Variants in BRAP observed in about 807,000 individuals in gnomAD.
BRAP encodes the protein BRCA1-associated protein.
In BRAP, 42 loss-of-function variants were observed where a neutral mutation model predicts 73.4. That is an observed-to-expected ratio of 0.57 (90% CI 0.45 to 0.74). The LOEUF is 0.74. BRAP is among the 30% of genes least tolerant of loss of function. The pLI, the probability that BRAP is intolerant of heterozygous loss-of-function variation, is 0.00. For synonymous variants in BRAP, 255 were observed against 267.4 expected (o/e 0.95, Z 0.45); for missense variants, 593 against 751.4 (o/e 0.79, Z 2.46).
chr12:111,659,402 C>T (rs780134118), intron 7 of BRAP, 57 bp from the exon 8 acceptor site: 39 of 1,533,514 alleles, frequency 2.5e-5, no homozygotes, highest in Admixed American at 1.4e-4. Flanking sequence ...TCTGGCTGGG[C>T]GCGATGGCTC....
chr12:111,670,566 T>TCC (rs1443827011), intron 5 of BRAP, among the ~76,000 whole-genome samples: 3 of 152,192 alleles, frequency 2.0e-5, no homozygotes, highest in Admixed American at 2.0e-4. Flanking sequence ...CAATCTCAGC[T>TCC]CACTGCAACC....
chr12:111,653,429 A>G (rs879540865), intron 10 of BRAP, among the ~76,000 whole-genome samples: 1 of 152,196 alleles, frequency 6.6e-6, no homozygotes, highest in Non-Finnish European at 1.5e-5. Context: ...AAGAAAAGAT[A>G]TACTTTTAGA....
chr12:111,652,614 G>A (rs941263918), intron 10 of BRAP, among the ~76,000 whole-genome samples: 12 of 152,302 alleles, frequency 7.9e-5, no homozygotes, highest in African/African-American at 2.6e-4. Context: ...CATGGCTCAC[G>A]CCTGTAATCC....
chr12:111,678,396 C>T (rs367586910), intron 4 of BRAP, among the ~76,000 whole-genome samples: 2 of 151,954 alleles, frequency 1.3e-5, no homozygotes, highest in Non-Finnish European at 2.9e-5. Context: ...TGATGGCTCA[C>T]GCCTGTAATC....
intron 11 of BRAP, among the ~76,000 whole-genome samples, chr12:111,647,698 C>A (rs1886159066): frequency 6.6e-6 from 1 of 151,912 alleles, no homozygotes; most frequent in Non-Finnish European, 1.5e-5. Flanking sequence ...GAGTTTGAGA[C>A]CAGACTGACC....
chr12:111,681,736 G>C lies in BRAP; in HGVS notation c.344C>G (p.Pro115Arg). ...TGGAAGCTGTTTGGACGGAGAATCTGGGGCAGCGTTTATGCATTCCTTACT... is the reference window on the plus strand; with the variant it reads ...TGGAAGCTGTTTGGACGGAGAATCTCGGGCAGCGTTTATGCATTCCTTACT... The part of the protein sequence containing the change: ...DHSKECINAA[P>R]DSPSKQLPDQ... The change falls in exon 3 of 12, where the codon CCA (proline) becomes CGA (arginine). Residue 115 changes from proline to arginine, a missense_variant. By Grantham distance (103) the Pro-to-Arg change is moderately radical (BLOSUM62 -2). This residue lies in a region of BRAP where 304 missense variants were observed against 337.7 expected (regional missense o/e 0.90). Coordinates refer to ENST00000419234, the MANE Select transcript of BRAP (RefSeq NM_006768.5). 4.3e-6 allele frequency: 7 copies of C among 1,614,090 alleles called. No homozygotes were observed. Among genetic ancestry groups the C allele is most frequent in the Non-Finnish European group, 5.9e-6 (7 of 1,179,986 alleles).
intron 10 of BRAP, among the ~76,000 whole-genome samples, chr12:111,650,610 G>A (rs1012230094): frequency 1.3e-5 from 2 of 152,042 alleles, no homozygotes; most frequent in Non-Finnish European, 2.9e-5. Flanking sequence ...GGCCAGGCTG[G>A]TCTCAAACTC....
intron 9 of BRAP, among the ~76,000 whole-genome samples, chr12:111,658,034 G>C (rs553422741): frequency 6.6e-6 from 1 of 151,826 alleles, no homozygotes; most frequent in Admixed American, 6.6e-5. Flanking sequence ...TGCCTCCCAG[G>C]TTCAAGAAAT....
intron 6 of BRAP, among the ~76,000 whole-genome samples, chr12:111,662,938 G>A (rs1236944969): frequency 4.2e-5 from 6 of 141,788 alleles, no homozygotes; most frequent in Non-Finnish European, 6.1e-5. Flanking sequence ...TGTGGCAAAA[G>A]CCCTTCTAAA....
chr12:111,664,215 C>T (rs1886851497), intron 6 of BRAP, among the ~76,000 whole-genome samples: 1 of 152,090 alleles, frequency 6.6e-6, no homozygotes, highest in Non-Finnish European at 1.5e-5. Context: ...ACCTGTAGTC[C>T]CAGCTACTTG....
chr12:111,645,496 C>T (rs1026754757), intron 11 of BRAP, among the ~76,000 whole-genome samples: 9 of 152,044 alleles, frequency 5.9e-5, no homozygotes, highest in Non-Finnish European at 1.2e-4. Context: ...TAGGTGCCTT[C>T]GAGATGATAG....
intron 1 of BRAP, among the ~76,000 whole-genome samples, chr12:111,683,852 C>T (rs1179510257): frequency 6.6e-6 from 1 of 152,002 alleles, no homozygotes; most frequent in African/African-American, 2.4e-5. Flanking sequence ...CAAAATCATG[C>T]ACTTTAAAGC....
At chr12:111,648,803 T>C (rs987512428) in intron 11 of BRAP, among the ~76,000 whole-genome samples, 2 of 150,594 alleles carry the variant, frequency 1.3e-5, no homozygotes, top group African/African-American at 4.9e-5. Context: ...GGCAGGCACC[T>C]GTAGTCCCAG....
At chr12:111,681,929 T>A in intron 2 of BRAP, 94 bp from the exon 3 acceptor site, 1 of 1,176,484 alleles carries the variant, frequency 8.5e-7, no homozygotes, top group Non-Finnish European at 1.2e-6. Context: ...AGGAATAAAC[T>A]TTGATAGAGT....
At position 111,665,807 on chromosome 12, in the gene BRAP, T is replaced by C; in HGVS notation, c.748-20A>G. On this transcript the variant is annotated intron_variant, in intron 5 of 11. Transcript: ENST00000419234. This position sits in a 1 kb window ranked among gnomAD's most constrained non-coding sequence, Gnocchi z 4.3. ...GGCGCCCTACAGGAAACACCTCACA[T>C]AAGCCTCACTCTTCATCTACCAGCA... The C allele has an allele frequency of 1.9e-6, 3 of 1,614,038 alleles. No individual in the cohort carries two copies. The highest frequency in any genetic ancestry group is 2.5e-6 in the Non-Finnish European group (3 of 1,179,926).
chr12:111,684,926 C>G (rs759859502), intron 1 of BRAP, among the ~76,000 whole-genome samples: 24 of 152,180 alleles, frequency 1.6e-4, no homozygotes, highest in Non-Finnish European at 3.2e-4. Flanking sequence ...GCCTCGGCCT[C>G]CCAAAGTGTG....
chr12:111,661,681 A>C (rs1224344126), intron 6 of BRAP, among the ~76,000 whole-genome samples: 1 of 151,220 alleles, frequency 6.6e-6, no homozygotes, highest in Non-Finnish European at 1.5e-5. Context: ...GCTCCTAAGA[A>C]TTGGATTTAA....
In BRAP at chr12:111,683,206, G is replaced by C; in HGVS notation, c.184C>G (p.Gln62Glu). 6.2e-7 allele frequency: 1 copy of C among 1,614,198 alleles called. No individual in the cohort carries two copies. The highest frequency in any genetic ancestry group is 1.6e-4 in the Middle Eastern group (1 of 6,062). The part of the protein sequence containing the change: ...SPGEKVAIIH[Q>E]HLGRREMTDV... ...GTCATTTCTCGACGGCCGAGATGCT[G>C]ATGGATAATCGCTACTTTCTCTCCT... The change falls in exon 2 of 12, where the codon CAG (glutamine) becomes GAG (glutamate). Residue 62 changes from glutamine to glutamate, a missense_variant. This residue lies in a region of BRAP where 304 missense variants were observed against 337.7 expected (regional missense o/e 0.90). Coordinates refer to ENST00000419234, the MANE Select transcript of BRAP (RefSeq NM_006768.5).
intron 11 of BRAP, among the ~76,000 whole-genome samples, chr12:111,649,668 T>C (rs1305160100): frequency 6.6e-6 from 1 of 152,352 alleles, no homozygotes; most frequent in East Asian, 1.9e-4. Context: ...AGGCTCTGGA[T>C]GGAAGAAAAT....
Sources: gnomAD v4.1 joint callset for allele counts (sites outside exome capture counted in the v4.1 genomes callset) on GRCh38, gnomAD v4.1.1 for gene constraint, gnomAD v4.1.1 regional missense constraint, Gnocchi (gnomAD v3.1) non-coding constraint, MANE v1.5 for transcripts, NCBI Gene and HGNC (gene_info 2026-07-23, HGNC 2026-07-21) for gene names.